NTM: variants seen among roughly 807,000 people sequenced by gnomAD.
NTM encodes IgLON family member 2.
NTM carries 13 observed loss-of-function variants against 42.1 expected under a neutral mutation model. The ratio of observed to expected loss-of-function variants is 0.31; its 90% confidence interval spans 0.20 to 0.49. The LOEUF (loss-of-function observed/expected upper bound fraction) is 0.49. Ranked by LOEUF, NTM falls within the 20% of genes least tolerant of loss-of-function variation. The pLI, the probability that NTM is intolerant of heterozygous loss-of-function variation, is 0.99. For missense variants in NTM, 373 were observed against 452.8 expected (o/e 0.82, Z 1.60); for synonymous variants, 187 against 179.2 (o/e 1.04, Z -0.35).
intron 2 of NTM, among the ~76,000 whole-genome samples, chr11:131,978,610 C>G (rs567380798): frequency 6.6e-6 from 1 of 152,150 alleles, no homozygotes; most frequent in African/African-American, 2.4e-5. Flanking sequence ...ATGACTGTTC[C>G]CGAGGCTCCC....
chr11:131,748,302 G>A (rs377546462), intron 1 of NTM, among the ~76,000 whole-genome samples: 1 of 152,308 alleles, frequency 6.6e-6, no homozygotes, highest in African/African-American at 2.4e-5. Context: ...CCAGGACTGT[G>A]GACATTGTCT....
chr11:131,486,229 T>C (rs971173574), intron 1 of NTM, among the ~76,000 whole-genome samples: 2 of 152,146 alleles, frequency 1.3e-5, no homozygotes, highest in Non-Finnish European at 2.9e-5. Flanking sequence ...CCTCCAGAAC[T>C]TGGCAGGGAG....
In NTM at chr11:131,898,345, C is replaced by A. The variant is rs188856498; in HGVS notation, c.83-13219C>A. On this transcript the variant is annotated intron_variant, in intron 1 of 8. Transcript: ENST00000683400. Reference sequence around the variant, plus strand: ...GTGGAAAAACATTGAGACGCACAGGCCTAGATATTTTTTACATGTTTATTC... The same window carrying A: ...GTGGAAAAACATTGAGACGCACAGGACTAGATATTTTTTACATGTTTATTC... Among the ~76,000 whole-genome samples the A allele has an allele frequency of 3.3e-5, 5 of 152,270 alleles. No individual in the cohort carries two copies. In the East Asian group the frequency reaches 9.7e-4, roughly 29 times the overall value.
chr11:132,182,569 G>A (rs2077732406), intron 3 of NTM, among the ~76,000 whole-genome samples: 1 of 152,182 alleles, frequency 6.6e-6, no homozygotes, highest in Non-Finnish European at 1.5e-5. Flanking sequence ...ATGATGGTAA[G>A]GTGACACTAA....
At chr11:131,385,511 G>T (rs1441290707) in intron 1 of NTM, 1 of 152,162 alleles carries the variant, frequency 6.6e-6, no homozygotes, top group African/African-American at 2.4e-5. Context: ...TTGCTGGTGG[G>T]AATGTAAAGT....
chr11:131,968,498 A>G (rs1234903776), intron 2 of NTM, among the ~76,000 whole-genome samples: 2 of 152,144 alleles, frequency 1.3e-5, no homozygotes, highest in Non-Finnish European at 2.9e-5. Context: ...ACCCAGCAAA[A>G]GTAGGCTCAG....
chr11:131,908,957 G>A lies in NTM; in HGVS notation c.83-2607G>A, dbSNP rs929504030. ...TCATTTGTTGCAGCCATAAGTTGAC[G>A]ATTGATAGTTTTGGTGTTATATATC... is the stretch of plus-strand genomic sequence containing the variant. On this transcript the variant is annotated intron_variant, in intron 1 of 8. Transcript: ENST00000683400. 5.9e-5 allele frequency among the ~76,000 whole-genome samples: 9 copies of A among 152,162 alleles called. No individual in the cohort carries two copies. The South Asian group carries it at 1.4e-3, about 24-fold the overall frequency.
intron 4 of NTM, among the ~76,000 whole-genome samples, chr11:132,261,239 A>C (rs955783391): frequency 6.6e-6 from 1 of 152,154 alleles, no homozygotes; most frequent in Middle Eastern, 3.2e-3. Flanking sequence ...CTTCCAAACA[A>C]GCTCTCAAGG....
intron 2 of NTM, among the ~76,000 whole-genome samples, chr11:132,109,437 C>T (rs927768080): frequency 2.0e-5 from 3 of 152,210 alleles, no homozygotes; most frequent in Non-Finnish European, 4.4e-5. Context: ...GACCCTGAAT[C>T]TGCCAGCACC....
intron 1 of NTM, chr11:131,911,265 C>A (rs2054892134): frequency 2.1e-6 from 3 of 1,422,118 alleles, no homozygotes; most frequent in Non-Finnish European, 2.8e-6. Flanking sequence ...TCCGTGGAAC[C>A]GGTTTTCCGA....
At chr11:132,304,140 G>A (rs1432622253) in intron 4 of NTM, among the ~76,000 whole-genome samples, 1 of 152,144 alleles carries the variant, frequency 6.6e-6, no homozygotes. Flanking sequence ...TTGATAATAA[G>A]GGAGTAGAGT....
chr11:131,771,830 T>C (rs546799508), intron 1 of NTM, among the ~76,000 whole-genome samples: 3 of 152,284 alleles, frequency 2.0e-5, no homozygotes, highest in Admixed American at 6.5e-5. Context: ...TTTAACAGTC[T>C]ATTGGTAGTA....
intron 1 of NTM, among the ~76,000 whole-genome samples, chr11:131,598,687 CTTTCTTT>C (rs1565684869): frequency 0.012 from 261 of 21,186 alleles, 54 homozygotes; most frequent in Middle Eastern, 0.062. Context: ...CATTTGTTTT[CTTTCTTT>C]CTTTCTTTCT....
intron 3 of NTM, among the ~76,000 whole-genome samples, chr11:132,178,200 GT>G (rs2077086197): frequency 6.6e-6 from 1 of 152,166 alleles, no homozygotes. Context: ...CTTGCCTTAG[GT>G]CACAGAGATA....
intron 3 of NTM, among the ~76,000 whole-genome samples, chr11:132,156,301 T>G (rs1365589279): frequency 6.6e-6 from 1 of 152,206 alleles, no homozygotes; most frequent in Non-Finnish European, 1.5e-5. Flanking sequence ...TTCTTGTTAT[T>G]TCTGGTCATA....
intron 1 of NTM, among the ~76,000 whole-genome samples, chr11:131,384,035 T>C (rs1185775832): frequency 6.6e-6 from 1 of 152,072 alleles, no homozygotes; most frequent in African/African-American, 2.4e-5. Flanking sequence ...TAAGAGGACT[T>C]CCGTTTTCTA....
At chr11:131,956,404 G>T (rs946214126) in intron 2 of NTM, among the ~76,000 whole-genome samples, 1 of 152,148 alleles carries the variant, frequency 6.6e-6, no homozygotes, top group Non-Finnish European at 1.5e-5. Flanking sequence ...TTGATGTTTG[G>T]ATTGATTTAT....
intron 2 of NTM, among the ~76,000 whole-genome samples, chr11:132,044,563 T>C (rs758547238): frequency 5.3e-5 from 8 of 152,156 alleles, no homozygotes; most frequent in Non-Finnish European, 8.8e-5. Context: ...TATTTCCATG[T>C]TCCTGAGGTG....
intron 1 of NTM, among the ~76,000 whole-genome samples, chr11:131,530,352 G>A (rs1368007949): frequency 2.7e-5 from 4 of 149,062 alleles, no homozygotes; most frequent in African/African-American, 7.5e-5. Flanking sequence ...TTGAGCATAT[G>A]AGAATTCAAG....
Sources: allele counts gnomAD v4.1 joint callset (sites outside exome capture counted in the v4.1 genomes callset), GRCh38; gene constraint gnomAD v4.1.1; transcripts MANE v1.5; gene names NCBI Gene and HGNC (gene_info 2026-07-23, HGNC 2026-07-21).